OSBPL1A: variants seen among roughly 807,000 people sequenced by gnomAD.
OSBPL1A encodes oxysterol-binding protein-related protein 1.
OSBPL1A carries 80 observed loss-of-function variants against 137.1 expected under a neutral mutation model. That is an observed-to-expected ratio of 0.58 (90% confidence interval 0.49 to 0.70). The LOEUF (loss-of-function observed/expected upper bound fraction) is 0.70, where lower values mean the gene tolerates loss of function less well. OSBPL1A is among the 30% of genes least tolerant of loss of function. The probability of loss-of-function intolerance (pLI) is 0.00; values close to 1 mark genes in which losing one functional copy is unlikely to be tolerated. For missense variants in OSBPL1A, 970 were observed against 1,129.4 expected (o/e 0.86, Z 2.02); for synonymous variants, 365 against 389.7 (o/e 0.94, Z 0.75).
chr18:24,189,366 G>C (rs955629793), intron 18 of OSBPL1A, among the ~76,000 whole-genome samples: 2 of 152,230 alleles, frequency 1.3e-5, no homozygotes, highest in Non-Finnish European at 2.9e-5. Context: ...GGCTAGGTGT[G>C]TCTGCTCTGT....
At chr18:24,332,889 C>T in intron 7 of OSBPL1A, 53 bp downstream of exon 7, 1 of 1,594,592 alleles carries the variant, frequency 6.3e-7, no homozygotes, top group Non-Finnish European at 8.6e-7. Flanking sequence ...ATGGCATTGA[C>T]TTCATTTTAT....
chr18:24,291,868 T>C (rs2090180328), intron 14 of OSBPL1A, among the ~76,000 whole-genome samples: 1 of 149,796 alleles, frequency 6.7e-6, no homozygotes, highest in African/African-American at 2.4e-5. Context: ...GCCTGGCCAA[T>C]GTGGTGAAAC....
chr18:24,289,677 C>T (rs1442181779), intron 14 of OSBPL1A, among the ~76,000 whole-genome samples: 1 of 152,068 alleles, frequency 6.6e-6, no homozygotes, highest in Non-Finnish European at 1.5e-5. Context: ...GCCTCAGCCT[C>T]CCAAAGTGCT....
chr18:24,329,814 T>G lies in OSBPL1A; in HGVS notation c.625+3128A>C, dbSNP rs987490703. The stretch of plus-strand genomic sequence containing the variant: ...AAGTCTCTAAACTTCAAAACTCAAA[T>G]TCACCAAGGAAAGCATCTTCTAAAT... On this transcript the variant is annotated intron_variant, in intron 7 of 27. Coordinates refer to ENST00000319481, the MANE Select transcript of OSBPL1A (RefSeq NM_080597.4). Among the ~76,000 whole-genome samples the G allele has an allele frequency of 3.9e-5, 6 of 152,292 alleles. No individual in the cohort carries two copies. In the East Asian group the frequency reaches 1.2e-3, roughly 29 times the overall value.
intron 16 of OSBPL1A, among the ~76,000 whole-genome samples, chr18:24,235,853 T>C (rs1489153348): frequency 2.0e-5 from 3 of 152,136 alleles, no homozygotes; most frequent in South Asian, 4.1e-4. Flanking sequence ...GCAGATATGA[T>C]TAAGTTACGT....
At chr18:24,319,042 A>T (rs2090793018) in intron 7 of OSBPL1A, among the ~76,000 whole-genome samples, 1 of 152,222 alleles carries the variant, frequency 6.6e-6, no homozygotes, top group African/African-American at 2.4e-5. Flanking sequence ...ATTATCATGA[A>T]CTCATAAATT....
chr18:24,315,305 C>A (rs1051153464), intron 11 of OSBPL1A, among the ~76,000 whole-genome samples: 5 of 152,012 alleles, frequency 3.3e-5, no homozygotes, highest in Non-Finnish European at 5.9e-5. Flanking sequence ...CAGGGGAATC[C>A]CCCAAGGGAA....
chr18:24,185,771 C>A (rs1183070242), intron 18 of OSBPL1A, among the ~76,000 whole-genome samples: 1 of 152,156 alleles, frequency 6.6e-6, no homozygotes, highest in South Asian at 2.1e-4. Flanking sequence ...AAATAAAAGT[C>A]TTTTGAAAAA....
intron 1 of OSBPL1A, among the ~76,000 whole-genome samples, chr18:24,381,631 A>G (rs915705601): frequency 6.6e-6 from 1 of 152,174 alleles, no homozygotes; most frequent in Non-Finnish European, 1.5e-5. Context: ...AATGTTAGCA[A>G]TATTTATATT....
At chr18:24,168,500 C>T (rs1053316032) in intron 24 of OSBPL1A, among the ~76,000 whole-genome samples, 1 of 152,198 alleles carries the variant, frequency 6.6e-6, no homozygotes, top group Admixed American at 6.5e-5. Flanking sequence ...CGCGGCCCAG[C>T]TATGCTAGTG....
chr18:24,287,247 C>T (rs1291406864), intron 14 of OSBPL1A, among the ~76,000 whole-genome samples: 1 of 152,172 alleles, frequency 6.6e-6, no homozygotes, highest in Non-Finnish European at 1.5e-5. Flanking sequence ...AATGGGTTCC[C>T]CACCTTATGG....
intron 1 of OSBPL1A, among the ~76,000 whole-genome samples, chr18:24,388,547 C>G (rs1197529349): frequency 6.6e-6 from 1 of 151,898 alleles, no homozygotes; most frequent in African/African-American, 2.4e-5. Flanking sequence ...TGTCTGTAAT[C>G]CCAGCATTTT....
intron 15 of OSBPL1A, among the ~76,000 whole-genome samples, chr18:24,278,182 G>T (rs1297768713): frequency 6.6e-6 from 1 of 152,184 alleles, no homozygotes; most frequent in Non-Finnish European, 1.5e-5. Context: ...AAAAGATGAA[G>T]ACAACAAGGT....
At chr18:24,315,126 G>A (rs980703308) in intron 11 of OSBPL1A, among the ~76,000 whole-genome samples, 1 of 152,172 alleles carries the variant, frequency 6.6e-6, no homozygotes, top group African/African-American at 2.4e-5. Context: ...ACGCTCTCTG[G>A]AGGAAAGGGG....
chr18:24,352,021 G>T (rs1315592067), intron 4 of OSBPL1A, among the ~76,000 whole-genome samples: 1 of 152,134 alleles, frequency 6.6e-6, no homozygotes, highest in African/African-American at 2.4e-5. Context: ...AAGAATGGGA[G>T]AAACAGGCTG....
chr18:24,358,329 T>G (rs2091569915), intron 4 of OSBPL1A: 14 of 616,012 alleles, frequency 2.3e-5, no homozygotes, highest in Admixed American at 8.2e-5. Context: ...CTTTGAAGCA[T>G]CATCTCCTCT....
At chr18:24,184,873 G>A (rs2086702460) in intron 18 of OSBPL1A, among the ~76,000 whole-genome samples, 2 of 151,984 alleles carry the variant, frequency 1.3e-5, no homozygotes, top group Admixed American at 6.6e-5. Flanking sequence ...GTCACACACT[G>A]CACTTCCCGC....
chr18:24,166,712 A>T lies in OSBPL1A; in HGVS notation c.2536-10T>A. The T allele has an allele frequency of 6.2e-7, 1 of 1,603,450 alleles. No individual in the cohort carries two copies. Among genetic ancestry groups the T allele is most frequent in the Non-Finnish European group, 8.5e-7 (1 of 1,177,056 alleles). On this transcript the variant is annotated splice_polypyrimidine_tract_variant and intron_variant, in intron 25 of 27. Coordinates refer to ENST00000319481, the MANE Select transcript of OSBPL1A (RefSeq NM_080597.4). ...TAGTAAAATTATACATCTGAAAAGA[A>T]GCAAAAGGAAGAAATTAAAATATGC...
chr18:24,239,151 G>A, intron 16 of OSBPL1A, 69 bp downstream of exon 16: 2 of 1,561,096 alleles, frequency 1.3e-6, no homozygotes, highest in Non-Finnish European at 1.7e-6. Flanking sequence ...TGGACTCAAG[G>A]GGACATTGCT....
Sources: allele counts gnomAD v4.1 joint callset (sites outside exome capture counted in the v4.1 genomes callset), GRCh38; gene constraint gnomAD v4.1.1; transcripts MANE v1.5; gene names NCBI Gene and HGNC (gene_info 2026-07-23, HGNC 2026-07-21).